The following CSMD1 variants were observed in gnomAD, a reference collection of about 807,000 sequenced individuals.
CSMD1 encodes CUB and sushi domain-containing protein 1.
In CSMD1, 213 loss-of-function variants were observed where a neutral mutation model predicts 417.5. That is an observed-to-expected ratio of 0.51 (90% CI 0.46 to 0.57). The LOEUF (loss-of-function observed/expected upper bound fraction) is 0.57, where lower values mean the gene tolerates loss of function less well. Ranked by LOEUF, CSMD1 falls within the 20% of genes least tolerant of loss-of-function variation. The probability of loss-of-function intolerance (pLI) is 0.00; values close to 1 mark genes in which losing one functional copy is unlikely to be tolerated. For synonymous variants in CSMD1, 2,862 were observed against 1,736.8 expected (o/e 1.65, Z -16.11); for missense variants, 6,923 against 4,529.7 (o/e 1.53, Z -15.17).
rs112106419 is a variant in CSMD1, at chr8:3,602,470, T to C, written c.1097+14240A>G. On this transcript the variant is annotated intron_variant, in intron 8 of 69. Coordinates refer to ENST00000635120, the MANE Select transcript of CSMD1 (RefSeq NM_033225.6). The stretch of plus-strand genomic sequence containing the variant: ...CCAAAATCAATGCACTGGTTGGTCA[T>C]TGAACGTTCACTGCTTTAATATTGA... 9.1e-3 allele frequency among the ~76,000 whole-genome samples: 1,385 copies of C among 152,258 alleles called. 27 individuals carry two copies. The highest frequency in any genetic ancestry group is 0.032 in the African/African-American group (1,333 of 41,536).
chr8:3,595,268 A>G (rs567224670), intron 8 of CSMD1, among the ~76,000 whole-genome samples: 13 of 152,336 alleles, frequency 8.5e-5, no homozygotes, highest in African/African-American at 3.1e-4. Context: ...ACAATGTCCC[A>G]TTGTGTGACT....
intron 5 of CSMD1, among the ~76,000 whole-genome samples, chr8:3,960,669 G>T (rs1200441821): frequency 6.6e-6 from 1 of 151,820 alleles, no homozygotes; most frequent in African/African-American, 2.4e-5. Context: ...AAGAAGTTAT[G>T]ATAAAACTTT....
chr8:3,121,725 G>A (rs1817217947), intron 41 of CSMD1, among the ~76,000 whole-genome samples: 1 of 152,158 alleles, frequency 6.6e-6, no homozygotes, highest in Non-Finnish European at 1.5e-5. Context: ...CTTAAGGCCA[G>A]GAGTCGAATG....
At chr8:3,798,699 T>A (rs962532103) in intron 5 of CSMD1, among the ~76,000 whole-genome samples, 1 of 152,114 alleles carries the variant, frequency 6.6e-6, no homozygotes, top group African/African-American at 2.4e-5. Context: ...TATATACACA[T>A]GTACAAACAT....
intron 3 of CSMD1, among the ~76,000 whole-genome samples, chr8:4,223,681 T>A (rs1801179609): frequency 6.6e-6 from 1 of 152,188 alleles, no homozygotes; most frequent in Non-Finnish European, 1.5e-5. Flanking sequence ...GGAAAAATCA[T>A]TTGACTTCCA....
chr8:3,293,994 A>T (rs1428418871), intron 25 of CSMD1, among the ~76,000 whole-genome samples: 2 of 149,482 alleles, frequency 1.3e-5, no homozygotes, highest in African/African-American at 4.9e-5. Flanking sequence ...TGACGTACAG[A>T]TGGGGTTTTG....
At chr8:3,276,613 A>G (rs915668623) in intron 26 of CSMD1, among the ~76,000 whole-genome samples, 1 of 152,150 alleles carries the variant, frequency 6.6e-6, no homozygotes, top group Non-Finnish European at 1.5e-5. Context: ...GGGAGCTACA[A>G]TTCAAGATAA....
chr8:3,674,413 C>G (rs1799261417), intron 7 of CSMD1, among the ~76,000 whole-genome samples: 1 of 151,946 alleles, frequency 6.6e-6, no homozygotes, highest in African/African-American at 2.4e-5. Context: ...TCATTCAAAT[C>G]AAGAATATTT....
At chr8:3,653,090 T>C (rs1797939794) in intron 7 of CSMD1, among the ~76,000 whole-genome samples, 1 of 152,172 alleles carries the variant, frequency 6.6e-6, no homozygotes, top group South Asian at 2.1e-4. Flanking sequence ...ATCAACGTCA[T>C]GCTTCCAGCC....
chr8:3,838,442 A>G (rs1802849261), intron 5 of CSMD1, among the ~76,000 whole-genome samples: 1 of 149,058 alleles, frequency 6.7e-6, no homozygotes, highest in South Asian at 2.1e-4. Flanking sequence ...GTGTAAGAGT[A>G]TAGACTATAC....
intron 49 of CSMD1, among the ~76,000 whole-genome samples, chr8:3,063,029 C>G (rs1207133113): frequency 2.6e-5 from 4 of 152,138 alleles, no homozygotes; most frequent in African/African-American, 9.7e-5. Flanking sequence ...ATAAAAAACT[C>G]TGATTCGGAT....
At chr8:4,182,041 T>TGTGG in intron 3 of CSMD1, among the ~76,000 whole-genome samples, 1 of 61,094 alleles carries the variant, frequency 1.6e-5, no homozygotes, top group South Asian at 6.5e-4. Context: ...TGTGTGTGTG[T>TGTGG]GTCGGTGTGT....
At chr8:4,500,286 G>A (rs1802193866) in intron 2 of CSMD1, among the ~76,000 whole-genome samples, 1 of 152,138 alleles carries the variant, frequency 6.6e-6, no homozygotes, top group Non-Finnish European at 1.5e-5. Context: ...TGTCAATTAT[G>A]CCAATTTTTG....
intron 10 of CSMD1, among the ~76,000 whole-genome samples, chr8:3,496,182 T>C (rs1266475515): frequency 2.0e-5 from 3 of 152,206 alleles, no homozygotes; most frequent in African/African-American, 7.2e-5. Context: ...TCCTGCCATT[T>C]TTCTTAAGTG....
At chr8:3,584,914 G>T (rs558510890) in intron 9 of CSMD1, among the ~76,000 whole-genome samples, 2 of 152,112 alleles carry the variant, frequency 1.3e-5, no homozygotes, top group African/African-American at 4.8e-5. Flanking sequence ...GTGCTTAAGG[G>T]TCTTATGTTA....
intron 23 of CSMD1, among the ~76,000 whole-genome samples, chr8:3,311,859 A>G (rs916871243): frequency 6.6e-6 from 1 of 152,184 alleles, no homozygotes; most frequent in Non-Finnish European, 1.5e-5. Context: ...AAATTGTTTC[A>G]GTAGTTTATA....
chr8:3,909,645 G>A (rs1481218290), intron 5 of CSMD1, among the ~76,000 whole-genome samples: 1 of 152,074 alleles, frequency 6.6e-6, no homozygotes, highest in Non-Finnish European at 1.5e-5. Flanking sequence ...GCAGGAATGG[G>A]TGAAGAGTCA....
chr8:4,883,175 A>G (rs1290728005), intron 1 of CSMD1, among the ~76,000 whole-genome samples: 2 of 152,110 alleles, frequency 1.3e-5, no homozygotes. Flanking sequence ...CTCTTGTGCA[A>G]GAATGCTGTA....
chr8:4,871,020 C>T (rs1187217779), intron 1 of CSMD1, among the ~76,000 whole-genome samples: 1 of 152,126 alleles, frequency 6.6e-6, no homozygotes, highest in East Asian at 1.9e-4. Flanking sequence ...CAGAGCTGTG[C>T]TCACCCTGGG....
Sources: allele counts gnomAD v4.1 joint callset (sites outside exome capture counted in the v4.1 genomes callset), GRCh38; gene constraint gnomAD v4.1.1; transcripts MANE v1.5; gene names NCBI Gene and HGNC (gene_info 2026-07-23, HGNC 2026-07-21).